Variants in MSRB2 observed in about 807,000 individuals in gnomAD.
The protein encoded by MSRB2 is methionine-R-sulfoxide reductase B2, mitochondrial.
Under a neutral mutation model 19.0 loss-of-function variants are expected in MSRB2, and 17 were observed. The observed-to-expected ratio is 0.89, with a 90% CI of 0.61 to 1.34. MSRB2 has a LOEUF of 1.34. Among genes scored for constraint, MSRB2 ranks in the 40% most tolerant of loss-of-function variants. The pLI is 0.00. For synonymous variants in MSRB2, 107 were observed against 99.7 expected (o/e 1.07, Z -0.44); for missense variants, 208 against 237.6 (o/e 0.88, Z 0.82).
intron 1 of MSRB2, among the ~76,000 whole-genome samples, chr10:23,099,613 G>T (rs1839904859): frequency 6.6e-6 from 1 of 152,188 alleles, no homozygotes; most frequent in African/African-American, 2.4e-5. Flanking sequence ...CAGCTACTTG[G>T]GAGGCTGAGG....
chr10:23,101,982 G>C (rs1370156230), intron 1 of MSRB2, among the ~76,000 whole-genome samples: 1 of 151,990 alleles, frequency 6.6e-6, no homozygotes, highest in Non-Finnish European at 1.5e-5. Context: ...TTACAGTTTT[G>C]GGGAGGACTG....
chr10:23,118,440 T>G, intron 3 of MSRB2, among the ~76,000 whole-genome samples: 1 of 151,620 alleles, frequency 6.6e-6, no homozygotes, highest in Admixed American at 6.6e-5. Context: ...TGAAGTCTAT[T>G]TTCCCAGTGC....
chr10:23,103,954 A>C (rs1396323087), intron 1 of MSRB2, among the ~76,000 whole-genome samples, 190 bp from the exon 2 acceptor site: 1 of 152,174 alleles, frequency 6.6e-6, no homozygotes, highest in Non-Finnish European at 1.5e-5. Context: ...TTTCTTATTA[A>C]ATTAAATAGT....
chr10:23,096,818 G>C (rs562098440), intron 1 of MSRB2, among the ~76,000 whole-genome samples: 1 of 152,296 alleles, frequency 6.6e-6, no homozygotes, highest in East Asian at 1.9e-4. Flanking sequence ...GTATTGCTGA[G>C]AACCACAGGT....
At position 23,121,833 on chromosome 10, in the gene MSRB2, A is replaced by G. The variant is rs779345767; in HGVS notation, c.*971A>G. Reference sequence around the variant, plus strand: ...GCATATATGGTGATCAATCAGATGCATGACTTTTTTTTCAAAATTTTAAAT... The same window carrying G: ...GCATATATGGTGATCAATCAGATGCGTGACTTTTTTTTCAAAATTTTAAAT... On this transcript the variant is annotated 3_prime_UTR_variant, in exon 5 of 5. Transcript: ENST00000376510. The G allele has an allele frequency of 1.3e-5, 2 of 152,192 alleles. No homozygotes were observed. Among genetic ancestry groups the G allele is most frequent in the Non-Finnish European group, 2.9e-5 (2 of 68,036 alleles). 9.4% of individuals were successfully genotyped at this position (152,192 alleles called of 1,614,324 possible).
rs370659267 is a variant in MSRB2, at chr10:23,096,326, C to CTG, written c.118+612_118+613dup. ...GACTGAGACAGAGACCAGGGCGAGCCTGTGTGTGTGTGTCTCTCTCTCTCT... is the reference window on the plus strand; with the variant it reads ...GACTGAGACAGAGACCAGGGCGAGCCTGTGTGTGTGTGTGTCTCTCTCTCTCT... On this transcript the variant is annotated intron_variant, in intron 1 of 4. Transcript: ENST00000376510. Among the ~76,000 whole-genome samples, 500 of 120,974 alleles carry CTG rather than the reference C, an allele frequency of 4.1e-3. 6 individuals carry two copies. Among genetic ancestry groups the CTG allele is most frequent in the African/African-American group, 0.014 (400 of 28,964 alleles). 79.4% of individuals were successfully genotyped at this position (120,974 alleles called of 152,430 possible).
At chr10:23,118,261 C>T (rs10764384) in intron 3 of MSRB2, among the ~76,000 whole-genome samples, 144,186 of 151,418 alleles carry the variant, frequency 0.95, 68,992 homozygotes, top group Non-Finnish European at 1. Flanking sequence ...GTTTGTGCTG[C>T]CAGCTAGGCT....
At chr10:23,101,130 A>G (rs1330471987) in intron 1 of MSRB2, among the ~76,000 whole-genome samples, 1 of 152,174 alleles carries the variant, frequency 6.6e-6, no homozygotes, top group African/African-American at 2.4e-5. Context: ...CATGGTACCC[A>G]ATGTGTAGTC....
At chr10:23,107,563 A>G (rs1431473532) in intron 2 of MSRB2, among the ~76,000 whole-genome samples, 4 of 152,192 alleles carry the variant, frequency 2.6e-5, no homozygotes, top group Non-Finnish European at 4.4e-5. Flanking sequence ...CCCATCTCAG[A>G]TAATATCTGA....
Position 23,121,127 on chromosome 10 carries a change from TA to T in MSRB2, c.*270del. The T allele has an allele frequency of 2.5e-6, 1 of 393,626 alleles. No homozygotes were observed. The highest frequency in any genetic ancestry group is 4.0e-5 in the East Asian group (1 of 24,822). 24.4% of individuals were successfully genotyped at this position (393,626 alleles called of 1,614,324 possible). ...GAAAAACTAGAAAAATAAACAAAATTAAAAAGAAAAAAAAATACCTGAGACT... is the reference window on the plus strand; with the variant it reads ...GAAAAACTAGAAAAATAAACAAAATTAAAAGAAAAAAAAATACCTGAGACT... On this transcript the variant is annotated 3_prime_UTR_variant, in exon 5 of 5. Coordinates refer to ENST00000376510, the MANE Select transcript of MSRB2 (RefSeq NM_012228.4).
chr10:23,101,683 G>A (rs11591816), intron 1 of MSRB2, among the ~76,000 whole-genome samples: 20,751 of 152,220 alleles, frequency 0.14, 1,488 homozygotes, highest in African/African-American at 0.16. Flanking sequence ...ACTGGGGAAA[G>A]ATGGTTCCAT....
chr10:23,110,964 G>T (rs1254999343), intron 3 of MSRB2, among the ~76,000 whole-genome samples: 2 of 152,010 alleles, frequency 1.3e-5, no homozygotes, highest in East Asian at 3.9e-4. Flanking sequence ...AAACATCTTT[G>T]AAGTCCTATT....
intron 3 of MSRB2, among the ~76,000 whole-genome samples, chr10:23,117,881 A>G (rs956324459): frequency 2.6e-5 from 4 of 152,208 alleles, no homozygotes; most frequent in African/African-American, 9.6e-5. Flanking sequence ...GTGGGCCACC[A>G]CGCCAGCAAA....
intron 1 of MSRB2, among the ~76,000 whole-genome samples, chr10:23,100,738 C>A (rs1839918589): frequency 6.6e-6 from 1 of 152,150 alleles, no homozygotes; most frequent in Admixed American, 6.5e-5. Flanking sequence ...TCCCACCAGG[C>A]CCCACCTCCA....
intron 1 of MSRB2, 65 bp downstream of exon 1, chr10:23,095,791 A>T (rs1394763661): frequency 3.6e-6 from 4 of 1,121,662 alleles, no homozygotes; most frequent in Non-Finnish European, 4.5e-6. Flanking sequence ...CACCGGCTGC[A>T]CCCGGGAGCC....
In MSRB2 at chr10:23,118,329, A is replaced by C. The variant is rs1244333196; in HGVS notation, c.297-975A>C. On this transcript the variant is annotated intron_variant, in intron 3 of 4. Transcript: ENST00000376510. ...CTTTGCTACTTTTTCTTCTTAGATT[A>C]GTTTTTTGTTTTTTTTTTTTTTTTT... Among the ~76,000 whole-genome samples the C allele has an allele frequency of 3.0e-5, 3 of 101,532 alleles. No individual in the cohort carries two copies. The Admixed American group carries it at 3.3e-4, about 11-fold the overall frequency. The allele number at this position is 101,532 out of a possible 152,430, so 66.6% of individuals were successfully genotyped here. A position where few individuals can be genotyped will look rare whatever the true frequency, so the allele number is the denominator to read the frequency against.
chr10:23,096,103 C>T (rs938000865), intron 1 of MSRB2, among the ~76,000 whole-genome samples: 1 of 152,062 alleles, frequency 6.6e-6, no homozygotes, highest in African/African-American at 2.4e-5. Flanking sequence ...CGCGCCCCTG[C>T]GAAGGCCCCT....
chr10:23,109,968 G>A lies in MSRB2; in HGVS notation c.220-274G>A, dbSNP rs112783848. On this transcript the variant is annotated intron_variant, in intron 2 of 4. Transcript: ENST00000376510. Reference sequence around the variant, plus strand: ...GACTCTGTTTTCTTGCTTTTTCACCGACTTTGATGCTCTTGGATGAAAAGT... The same window carrying A: ...GACTCTGTTTTCTTGCTTTTTCACCAACTTTGATGCTCTTGGATGAAAAGT... 2.0e-3 allele frequency among the ~76,000 whole-genome samples: 299 copies of A among 152,280 alleles called. 4 individuals are homozygous for A. Among genetic ancestry groups the A allele is most frequent in the African/African-American group, 6.8e-3 (282 of 41,546 alleles).
rs1049222915 is a variant in MSRB2 at position 23,100,576 on chromosome 10, GAAGCAAGCACAT to G, written c.119-3555_119-3544del. Among the ~76,000 whole-genome samples, 8 of 152,310 alleles carry G rather than the reference GAAGCAAGCACAT, an allele frequency of 5.3e-5. No homozygotes were observed. The South Asian group carries it at 1.0e-3, about 20-fold the overall frequency. On this transcript the variant is annotated intron_variant, in intron 1 of 4. Transcript: ENST00000376510. The stretch of plus-strand genomic sequence containing the variant: ...TACAATCATGATGTAAGGTGAAGAG[GAAGCAAGCACAT>G]AAGCAAGCACATCTTACATGGTCAG...
Sources: gnomAD v4.1 joint callset for allele counts (sites outside exome capture counted in the v4.1 genomes callset) on GRCh38, gnomAD v4.1.1 for gene constraint, MANE v1.5 for transcripts, NCBI Gene and HGNC (gene_info 2026-07-23, HGNC 2026-07-21) for gene names.